NEGR1: variants seen among roughly 807,000 people sequenced by gnomAD.
NEGR1 encodes the protein IgLON family member 4.
NEGR1 carries 10 observed loss-of-function variants against 40.9 expected under a neutral mutation model. The observed-to-expected ratio is 0.24, with a 90% CI of 0.15 to 0.42. The LOEUF is 0.42. Ranked by LOEUF, NEGR1 falls within the 10% of genes least tolerant of loss-of-function variation. The probability of loss-of-function intolerance (pLI) is 1.00; values close to 1 mark genes in which losing one functional copy is unlikely to be tolerated. For synonymous variants in NEGR1, 185 were observed against 166.8 expected (o/e 1.11, Z -0.84); for missense variants, 352 against 438.9 (o/e 0.80, Z 1.77).
At chr1:72,084,476 T>C (rs550065365) in intron 1 of NEGR1, among the ~76,000 whole-genome samples, 4 of 152,342 alleles carry the variant, frequency 2.6e-5, no homozygotes, top group Admixed American at 2.6e-4. Context: ...TTTTCAACTG[T>C]AATTGATCAC....
chr1:72,058,572 A>G (rs1647133944), intron 1 of NEGR1, among the ~76,000 whole-genome samples: 1 of 151,718 alleles, frequency 6.6e-6, no homozygotes, highest in Non-Finnish European at 1.5e-5. Context: ...TACTTTTCAA[A>G]TAACAATTAC....
chr1:72,103,622 C>T (rs1158687014), intron 1 of NEGR1, among the ~76,000 whole-genome samples: 2 of 152,044 alleles, frequency 1.3e-5, no homozygotes, highest in Non-Finnish European at 2.9e-5. Flanking sequence ...TTGTGTTAAG[C>T]TACGTTTTCC....
chr1:72,079,691 AG>A (rs1647905346), intron 1 of NEGR1, among the ~76,000 whole-genome samples: 1 of 152,130 alleles, frequency 6.6e-6, no homozygotes, highest in Non-Finnish European at 1.5e-5. Flanking sequence ...TTAAATTCAG[AG>A]GAATTAAGGA....
intron 4 of NEGR1, among the ~76,000 whole-genome samples, chr1:71,686,697 T>C (rs1653052174): frequency 6.6e-6 from 1 of 152,174 alleles, no homozygotes; most frequent in Non-Finnish European, 1.5e-5. Context: ...ATAAATTACC[T>C]TTACCCCATT....
chr1:72,135,375 C>CAAAAAAAAAAAAACAA (rs1650414741), intron 1 of NEGR1, among the ~76,000 whole-genome samples: 1 of 71,384 alleles, frequency 1.4e-5, no homozygotes, highest in Non-Finnish European at 2.6e-5. Context: ...GACTCCGTCT[C>CAAAAAAAAAAAAACAA]AAAAAAAAAA....
chr1:72,247,386 T>C (rs573906638), intron 1 of NEGR1, among the ~76,000 whole-genome samples: 234 of 152,350 alleles, frequency 1.5e-3, no homozygotes, highest in Middle Eastern at 3.4e-3. Flanking sequence ...TGTTTGCTCC[T>C]GCATTTGAGC....
At chr1:71,571,875 A>T (rs1648821097) in intron 6 of NEGR1, among the ~76,000 whole-genome samples, 1 of 151,764 alleles carries the variant, frequency 6.6e-6, no homozygotes, top group Non-Finnish European at 1.5e-5. Flanking sequence ...ACATTTTTTC[A>T]AAAGTTGAAG....
chr1:71,882,384 T>C (rs760903399), intron 2 of NEGR1, among the ~76,000 whole-genome samples: 16 of 151,976 alleles, frequency 1.1e-4, no homozygotes, highest in Non-Finnish European at 2.1e-4. Flanking sequence ...TCTTAGGGAG[T>C]TATCTTTCCC....
intron 4 of NEGR1, among the ~76,000 whole-genome samples, chr1:71,684,267 T>C (rs1420790275): frequency 6.6e-6 from 1 of 151,822 alleles, no homozygotes; most frequent in Non-Finnish European, 1.5e-5. Flanking sequence ...CAAGACTCCA[T>C]CTCAAAAAAA....
intron 6 of NEGR1, among the ~76,000 whole-genome samples, chr1:71,549,104 G>A (rs1470235355): frequency 2.6e-5 from 4 of 151,632 alleles, no homozygotes; most frequent in African/African-American, 9.7e-5. Flanking sequence ...CTAGGCCAAA[G>A]GCTAGCATTT....
intron 2 of NEGR1, among the ~76,000 whole-genome samples, chr1:71,795,345 G>T (rs1003581921): frequency 1.3e-5 from 2 of 151,966 alleles, no homozygotes; most frequent in African/African-American, 4.8e-5. Context: ...AAGATCTGTA[G>T]ATAATTTATA....
intron 3 of NEGR1, among the ~76,000 whole-genome samples, chr1:71,745,929 C>A (rs938702391): frequency 1.3e-5 from 2 of 152,122 alleles, no homozygotes; most frequent in African/African-American, 4.8e-5. Flanking sequence ...CCAAAGGGGT[C>A]CTACTCTAGA....
At chr1:71,490,448 T>C (rs1309101331) in intron 6 of NEGR1, among the ~76,000 whole-genome samples, 1 of 152,042 alleles carries the variant, frequency 6.6e-6, no homozygotes, top group African/African-American at 2.4e-5. Context: ...GATTGTTCAT[T>C]GATTTGTTTC....
At chr1:72,087,824 G>A (rs1648286808) in intron 1 of NEGR1, among the ~76,000 whole-genome samples, 1 of 143,092 alleles carries the variant, frequency 7.0e-6, no homozygotes, top group Admixed American at 7.5e-5. Flanking sequence ...TTGAACTCCT[G>A]CACTAAAGAG....
intron 4 of NEGR1, among the ~76,000 whole-genome samples, chr1:71,669,718 T>A (rs1652356572): frequency 6.6e-6 from 1 of 152,122 alleles, no homozygotes; most frequent in Non-Finnish European, 1.5e-5. Context: ...TGGCGCGATC[T>A]CGGCTCACTG....
At chr1:72,046,521 C>A (rs964664129) in intron 1 of NEGR1, among the ~76,000 whole-genome samples, 2 of 151,430 alleles carry the variant, frequency 1.3e-5, no homozygotes, top group Non-Finnish European at 3.0e-5. Context: ...AGATAAATGA[C>A]CTGAAGCAAC....
intron 6 of NEGR1, among the ~76,000 whole-genome samples, chr1:71,441,906 T>C (rs1429256499): frequency 1.3e-5 from 2 of 152,240 alleles, no homozygotes; most frequent in Non-Finnish European, 2.9e-5. Flanking sequence ...TTTGTACTTT[T>C]TTATTCCTTG....
At chr1:72,264,683 T>C (rs1655580684) in intron 1 of NEGR1, among the ~76,000 whole-genome samples, 1 of 150,770 alleles carries the variant, frequency 6.6e-6, no homozygotes, top group South Asian at 2.1e-4. Flanking sequence ...TTAAAAACTT[T>C]TTAAATATTT....
rs533467875 is a variant in NEGR1 at position 71,433,142 on chromosome 1, C to T, written c.941-25572G>A. Among the ~76,000 whole-genome samples the T allele has an allele frequency of 4.6e-5, 7 of 152,228 alleles. No individual in the cohort carries two copies. In the East Asian group the frequency reaches 5.8e-4, roughly 13 times the overall value. ...TTCTGCCTTCTGCCATGTGAGGATA[C>T]GGCAAGAAACAAAATGATAATACCT... On this transcript the variant is annotated intron_variant, in intron 6 of 6. Coordinates refer to ENST00000357731, the MANE Select transcript of NEGR1 (RefSeq NM_173808.3).
Sources: gnomAD v4.1 joint callset for allele counts (sites outside exome capture counted in the v4.1 genomes callset) on GRCh38, gnomAD v4.1.1 for gene constraint, MANE v1.5 for transcripts, NCBI Gene and HGNC (gene_info 2026-07-23, HGNC 2026-07-21) for gene names.